ADAMTS17: variants seen among roughly 807,000 people sequenced by gnomAD.
The protein encoded by ADAMTS17 is ADAM metallopeptidase with thrombospondin type 1 motif 17, also known as A disintegrin and metalloproteinase with thrombospondin motifs 17.
In ADAMTS17, 113 loss-of-function variants were observed where a neutral mutation model predicts 141.5. That is an observed-to-expected ratio of 0.80 (90% confidence interval 0.69 to 0.93). ADAMTS17 has a LOEUF of 0.93. Ranked by LOEUF, ADAMTS17 falls within the 40% of genes least tolerant of loss-of-function variation. The probability of loss-of-function intolerance (pLI) is 0.00; values close to 1 mark genes in which losing one functional copy is unlikely to be tolerated. For synonymous variants in ADAMTS17, 768 were observed against 630.6 expected (o/e 1.22, Z -3.27); for missense variants, 1,659 against 1,517.9 (o/e 1.09, Z -1.54).
At chr15:100,316,752 G>C (rs1294219389) in intron 3 of ADAMTS17, among the ~76,000 whole-genome samples, 2 of 152,168 alleles carry the variant, frequency 1.3e-5, no homozygotes, top group Admixed American at 1.3e-4. Context: ...AATTTAACTT[G>C]CAACCTGGAG....
At chr15:100,310,869 C>T (rs141117835) in intron 3 of ADAMTS17, among the ~76,000 whole-genome samples, 17 of 152,320 alleles carry the variant, frequency 1.1e-4, no homozygotes, top group African/African-American at 3.8e-4. Context: ...CATACAGGTT[C>T]CAGCAGGCAA....
chr15:100,153,836 G>A (rs2039304772), intron 9 of ADAMTS17, among the ~76,000 whole-genome samples: 1 of 152,098 alleles, frequency 6.6e-6, no homozygotes, highest in African/African-American at 2.4e-5. Context: ...GTTTACTTCT[G>A]GGCTCACACA....
intron 4 of ADAMTS17, among the ~76,000 whole-genome samples, chr15:100,280,007 T>C (rs535894064): frequency 6.6e-6 from 1 of 152,226 alleles, no homozygotes; most frequent in African/African-American, 2.4e-5. Flanking sequence ...CCAGGGCTGG[T>C]GCTCCATGGG....
chr15:100,170,406 C>T (rs1027264242), intron 8 of ADAMTS17, among the ~76,000 whole-genome samples: 2 of 152,036 alleles, frequency 1.3e-5, no homozygotes, highest in Non-Finnish European at 2.9e-5. Flanking sequence ...CACAGCCAGC[C>T]GCGGAAAGTC....
intron 3 of ADAMTS17, among the ~76,000 whole-genome samples, chr15:100,310,542 A>G (rs1020244684): frequency 4.6e-5 from 7 of 152,298 alleles, no homozygotes; most frequent in African/African-American, 1.7e-4. Context: ...CTGCTCCCCA[A>G]TTCTGGAGCA....
intron 15 of ADAMTS17, among the ~76,000 whole-genome samples, chr15:100,083,415 C>T (rs1451570131): frequency 1.3e-5 from 2 of 152,198 alleles, no homozygotes; most frequent in African/African-American, 4.8e-5. Flanking sequence ...TCTGTTCCAT[C>T]CATAGAGGAA....
chr15:100,220,488 T>C (rs2042100502), intron 7 of ADAMTS17, among the ~76,000 whole-genome samples: 1 of 152,224 alleles, frequency 6.6e-6, no homozygotes. Context: ...TTTTCTCCCA[T>C]CTGCTCTACC....
chr15:100,202,984 T>C (rs1331231051), intron 7 of ADAMTS17, among the ~76,000 whole-genome samples: 1 of 138,592 alleles, frequency 7.2e-6, no homozygotes, highest in Non-Finnish European at 1.5e-5. Context: ...TATTTAAAAA[T>C]TTTTAAAAAC....
chr15:100,208,180 T>C (rs1431443264), intron 7 of ADAMTS17, among the ~76,000 whole-genome samples: 1 of 152,048 alleles, frequency 6.6e-6, no homozygotes, highest in African/African-American at 2.4e-5. Flanking sequence ...TAGCACACAG[T>C]AGGCTCACAA....
intron 7 of ADAMTS17, among the ~76,000 whole-genome samples, chr15:100,206,327 CTT>C (rs1258288907): frequency 6.6e-6 from 1 of 152,214 alleles, no homozygotes. Flanking sequence ...TGTGTGTGCA[CTT>C]GAGTGTACGT....
chr15:100,023,406 C>T lies in ADAMTS17; in HGVS notation c.2591+25451G>A, dbSNP rs961371544. On this transcript the variant is annotated intron_variant, in intron 18 of 21. Coordinates refer to ENST00000268070, the MANE Select transcript of ADAMTS17 (RefSeq NM_139057.4). ...TATTTTTAGTAGAGACGGCGTTTCA[C>T]GTTGGTCAGGCTGGTCTCGAACCTC... Among the ~76,000 whole-genome samples, 13 of 151,806 alleles carry T rather than the reference C, an allele frequency of 8.6e-5. No individual in the cohort carries two copies. In the South Asian group the frequency reaches 2.3e-3, roughly 27 times the overall value.
rs146217930 is a variant in ADAMTS17, at chr15:100,131,344, T to C, written c.1721+663A>G. Among the ~76,000 whole-genome samples, 636 of 140,480 alleles carry C rather than the reference T, an allele frequency of 4.5e-3. 6 individuals are homozygous for C. The highest frequency in any genetic ancestry group is 0.016 in the African/African-American group (589 of 37,442). The allele number at this position is 140,480 out of a possible 152,430, so 92.2% of individuals were successfully genotyped here. A position where few individuals can be genotyped will look rare whatever the true frequency, so the allele number is the denominator to read the frequency against. Reference sequence around the variant, plus strand: ...GGAACAAACCTGCACATTCTGCACATGTACCCCAGAACTTAAAGTATGAAA... The same window carrying C: ...GGAACAAACCTGCACATTCTGCACACGTACCCCAGAACTTAAAGTATGAAA... On this transcript the variant is annotated intron_variant, in intron 12 of 21. Transcript: ENST00000268070.
chr15:100,154,054 G>A (rs1207446770), intron 9 of ADAMTS17, among the ~76,000 whole-genome samples: 3 of 152,124 alleles, frequency 2.0e-5, no homozygotes, highest in Admixed American at 1.3e-4. Flanking sequence ...GGTGGCACGT[G>A]CCGGTAATCC....
intron 14 of ADAMTS17, among the ~76,000 whole-genome samples, chr15:100,108,129 T>C (rs1373009796): frequency 6.6e-6 from 1 of 151,530 alleles, no homozygotes; most frequent in Non-Finnish European, 1.5e-5. Context: ...TTGGGCAGGG[T>C]TAATGCAGGT....
intron 2 of ADAMTS17, among the ~76,000 whole-genome samples, chr15:100,339,641 AGGTCCACATTCCCCG>A (rs1442508435): frequency 0.022 from 662 of 30,020 alleles, 8 homozygotes; most frequent in Middle Eastern, 0.074. Context: ...TCCCCGCCCC[AGGTCCACATTCCCCG>A]CCCCAGGTCC....
rs2035754811 is a variant in ADAMTS17, at chr15:100,096,341, T to C, written c.2137+15A>G. ...AAACACTGTAGCCACAGCAGCCCCA[T>C]GGGCCAACACTCACCTGTCCCCCGG... On this transcript the variant is annotated intron_variant, in intron 15 of 21. Coordinates refer to ENST00000268070, the MANE Select transcript of ADAMTS17 (RefSeq NM_139057.4). 6 of 1,612,986 alleles carry C rather than the reference T, an allele frequency of 3.7e-6. No individual in the cohort carries two copies. Among genetic ancestry groups the C allele is most frequent in the Non-Finnish European group, 5.1e-6 (6 of 1,180,002 alleles).
intron 8 of ADAMTS17, among the ~76,000 whole-genome samples, chr15:100,181,735 A>G (rs2040532575): frequency 1.3e-5 from 2 of 152,190 alleles, no homozygotes; most frequent in African/African-American, 4.8e-5. Flanking sequence ...CTCCTGAAGG[A>G]GGAGGAAGGA....
rs758662307 is a variant in ADAMTS17 at position 100,096,488 on chromosome 15, G to C, written c.2017-12C>G. 13 of 1,614,078 alleles carry C rather than the reference G, an allele frequency of 8.1e-6. No homozygotes were observed. The highest frequency in any genetic ancestry group is 7.6e-6 in the Non-Finnish European group (9 of 1,180,026). On this transcript the variant is annotated splice_polypyrimidine_tract_variant and intron_variant, in intron 14 of 21. Coordinates refer to ENST00000268070, the MANE Select transcript of ADAMTS17 (RefSeq NM_139057.4). Reference sequence around the variant, plus strand: ...TCACAGCCGATTTTCTAAAGAACCAGAGGGCCTCATTATTCTGTGGTTAAG... The same window carrying C: ...TCACAGCCGATTTTCTAAAGAACCACAGGGCCTCATTATTCTGTGGTTAAG...
intron 8 of ADAMTS17, among the ~76,000 whole-genome samples, chr15:100,195,546 C>A (rs1192243159): frequency 6.7e-6 from 1 of 149,094 alleles, no homozygotes; most frequent in Non-Finnish European, 1.5e-5. Context: ...ACATTTTCAC[C>A]GGCATCACTT....
Sources: gnomAD v4.1 joint callset for allele counts (sites outside exome capture counted in the v4.1 genomes callset) on GRCh38, gnomAD v4.1.1 for gene constraint, MANE v1.5 for transcripts, NCBI Gene and HGNC (gene_info 2026-07-23, HGNC 2026-07-21) for gene names.